The following FBXO42 variants were observed in gnomAD, a reference collection of about 807,000 sequenced individuals.
FBXO42 encodes F-box protein 42.
FBXO42 carries 12 observed loss-of-function variants against 71.7 expected under a neutral mutation model. That is an observed-to-expected ratio of 0.17 (90% CI 0.11 to 0.27). The LOEUF (loss-of-function observed/expected upper bound fraction) is 0.27. Among genes scored for constraint, FBXO42 ranks in the 10% least tolerant of loss-of-function variants. The pLI, the probability that FBXO42 is intolerant of heterozygous loss-of-function variation, is 1.00. For missense variants in FBXO42, 707 were observed against 911.9 expected (o/e 0.78, Z 2.89); for synonymous variants, 325 against 327.5 (o/e 0.99, Z 0.08).
chr1:16,256,055 T>C (rs897678418), intron 5 of FBXO42, among the ~76,000 whole-genome samples: 1 of 152,178 alleles, frequency 6.6e-6, no homozygotes, highest in Non-Finnish European at 1.5e-5. Flanking sequence ...GAGAAAACGA[T>C]GACAAGAGAC....
chr1:16,254,760 T>A (rs2081622382), intron 6 of FBXO42, among the ~76,000 whole-genome samples: 1 of 152,130 alleles, frequency 6.6e-6, no homozygotes, highest in African/African-American at 2.4e-5. Flanking sequence ...TACCGCTGAA[T>A]CAGACAGTGA....
intron 3 of FBXO42, among the ~76,000 whole-genome samples, chr1:16,303,526 T>C (rs2082218224): frequency 6.6e-6 from 1 of 152,084 alleles, no homozygotes; most frequent in Non-Finnish European, 1.5e-5. Flanking sequence ...TAATGGTCTT[T>C]AGTCCAGGTT....
chr1:16,347,010 G>GC (rs2082659334), intron 1 of FBXO42, among the ~76,000 whole-genome samples: 1 of 151,730 alleles, frequency 6.6e-6, no homozygotes, highest in Non-Finnish European at 1.5e-5. Context: ...CTCCCACAGT[G>GC]CTGGGATTAT....
At chr1:16,350,455 T>C (rs1405332644) in intron 1 of FBXO42, among the ~76,000 whole-genome samples, 1 of 145,116 alleles carries the variant, frequency 6.9e-6, no homozygotes, top group Non-Finnish European at 1.5e-5. Flanking sequence ...GATTTAAAAA[T>C]AGAAAAGGAG....
intron 1 of FBXO42, among the ~76,000 whole-genome samples, chr1:16,339,039 A>G (rs908546144): frequency 1.3e-5 from 2 of 151,600 alleles, no homozygotes; most frequent in African/African-American, 2.4e-5. Context: ...CAAATTCCCA[A>G]CCTCAAGCGA....
chr1:16,279,840 A>C (rs2100496771), intron 4 of FBXO42, among the ~76,000 whole-genome samples: 1 of 89,264 alleles, frequency 1.1e-5, no homozygotes, highest in African/African-American at 4.6e-5. Flanking sequence ...CATGTTGACA[A>C]TGGTTTTTTT....
chr1:16,293,893 A>G (rs1342942451), intron 4 of FBXO42: 1 of 152,176 alleles, frequency 6.6e-6, no homozygotes, highest in African/African-American at 2.4e-5. Context: ...ATGCCAGGAA[A>G]TGAAACTCAT....
At chr1:16,313,860 T>A (rs1569908190) in intron 2 of FBXO42, among the ~76,000 whole-genome samples, 1 of 152,184 alleles carries the variant, frequency 6.6e-6, no homozygotes, top group African/African-American at 2.4e-5. Context: ...CCTTTCCACT[T>A]AAGATGCAAT....
intron 4 of FBXO42, among the ~76,000 whole-genome samples, chr1:16,291,597 G>A (rs535707434): frequency 7.9e-5 from 12 of 151,916 alleles, no homozygotes; most frequent in African/African-American, 2.4e-4. Flanking sequence ...GGCCAGGCTC[G>A]TCTGGAACTC....
At chr1:16,319,035 C>T (rs553005513) in intron 1 of FBXO42, among the ~76,000 whole-genome samples, 227 of 152,316 alleles carry the variant, frequency 1.5e-3, no homozygotes, top group Non-Finnish European at 2.4e-3. Context: ...GCTCCACACA[C>T]TCTACCCAGA....
chr1:16,272,968 G>C (rs1160096234), intron 4 of FBXO42, among the ~76,000 whole-genome samples: 2 of 152,098 alleles, frequency 1.3e-5, no homozygotes, highest in African/African-American at 4.8e-5. Flanking sequence ...ATTCCCTAGA[G>C]ACAAAGCCAG....
chr1:16,314,002 G>GGAGTCCAGT (rs1306864528), intron 2 of FBXO42, among the ~76,000 whole-genome samples: 1 of 152,190 alleles, frequency 6.6e-6, no homozygotes, highest in East Asian at 1.9e-4. Flanking sequence ...CGCCCAGGCT[G>GGAGTCCAGT]GAGTCCAGTG....
chr1:16,294,509 C>T, intron 4 of FBXO42: 1 of 375,610 alleles, frequency 2.7e-6, no homozygotes, highest in Non-Finnish European at 4.9e-6. Flanking sequence ...TGTATCACAC[C>T]TGTATGAGTA....
chr1:16,271,688 T>A (rs1174533029), intron 4 of FBXO42, among the ~76,000 whole-genome samples: 1 of 152,094 alleles, frequency 6.6e-6, no homozygotes, highest in African/African-American at 2.4e-5. Context: ...CTCTCTTACC[T>A]CCATCCACAG....
intron 1 of FBXO42, among the ~76,000 whole-genome samples, chr1:16,338,354 C>CAAAA (rs55865669): frequency 4.6e-5 from 5 of 108,146 alleles, no homozygotes; most frequent in Non-Finnish European, 5.3e-5. Flanking sequence ...GCCCTATCTC[C>CAAAA]AAAAAAAAAA....
intron 1 of FBXO42, among the ~76,000 whole-genome samples, chr1:16,346,753 ATTT>A (rs529276488): frequency 4.0e-5 from 5 of 125,094 alleles, no homozygotes; most frequent in African/African-American, 9.2e-5. Flanking sequence ...TGAACAGTAC[ATTT>A]TTTTTTTTTT....
intron 2 of FBXO42, among the ~76,000 whole-genome samples, chr1:16,313,044 G>A (rs1261562573): frequency 2.0e-5 from 3 of 151,834 alleles, no homozygotes; most frequent in East Asian, 3.9e-4. Flanking sequence ...ATCCGCCCAC[G>A]TTGGCCTCCC....
At chr1:16,274,275 T>C (rs1219586778) in intron 4 of FBXO42, among the ~76,000 whole-genome samples, 3 of 151,512 alleles carry the variant, frequency 2.0e-5, no homozygotes, top group African/African-American at 7.3e-5. Flanking sequence ...GCCATTGCAC[T>C]GCTGCCTGGG....
chr1:16,261,845 AG>A (rs768194272), intron 4 of FBXO42, among the ~76,000 whole-genome samples: 7 of 152,020 alleles, frequency 4.6e-5, no homozygotes, highest in Non-Finnish European at 7.4e-5. Flanking sequence ...CTGGGACTAC[AG>A]GCACCCCCCG....
Sources: gnomAD v4.1 joint callset for allele counts (sites outside exome capture counted in the v4.1 genomes callset) on GRCh38, gnomAD v4.1.1 for gene constraint, MANE v1.5 for transcripts, NCBI Gene and HGNC (gene_info 2026-07-23, HGNC 2026-07-21) for gene names.